SHF: variants seen among roughly 807,000 people sequenced by gnomAD.
The protein encoded by SHF is Src homology 2 domain containing F, also known as SH2 domain-containing adapter protein F.
A neutral mutation model predicts 42.4 loss-of-function variants in SHF; 30 were observed. That is an observed-to-expected ratio of 0.71 (90% CI 0.53 to 0.96). The LOEUF is 0.96. Ranked by LOEUF, SHF falls within the 40% of genes least tolerant of loss-of-function variation. The pLI is 0.00. For synonymous variants in SHF, 264 were observed against 269.9 expected (o/e 0.98, Z 0.21); for missense variants, 598 against 634.0 (o/e 0.94, Z 0.61).
At chr15:45,195,541 A>G (rs1898837971) in intron 2 of SHF, among the ~76,000 whole-genome samples, 1 of 152,090 alleles carries the variant, frequency 6.6e-6, no homozygotes, top group South Asian at 2.1e-4. Flanking sequence ...CTCTTCTCTC[A>G]GGCCACATTC....
intron 2 of SHF, among the ~76,000 whole-genome samples, chr15:45,196,216 A>G (rs549803771): frequency 4.6e-5 from 7 of 151,292 alleles, no homozygotes; most frequent in African/African-American, 1.2e-4. Context: ...TCCTGCCTCA[A>G]TCTCCCTACA....
At chr15:45,198,838 T>C in exon 2 of SHF, 5 of 1,613,934 alleles carry the variant, frequency 3.1e-6, no homozygotes, top group East Asian at 2.2e-5. Flanking sequence ...GCCAGTTGCT[T>C]TTCTTCTTCT....
At chr15:45,186,136 TAGCAGGGGACAAGA>T (rs1470176454) in intron 1 of SHF, among the ~76,000 whole-genome samples, 1 of 152,180 alleles carries the variant, frequency 6.6e-6, no homozygotes, top group African/African-American at 2.4e-5. Flanking sequence ...CATCACACAA[TAGCAGGGGACAAGA>T]AGCAGACGAG....
chr15:45,169,358 G>T (rs1444828292), intron 6 of SHF, among the ~76,000 whole-genome samples: 1 of 152,210 alleles, frequency 6.6e-6, no homozygotes. Flanking sequence ...GCCTCCCCAG[G>T]CATGGAGTCC....
chr15:45,191,353 A>G (rs762728312), upstream of SHF, among the ~76,000 whole-genome samples: 1 of 152,054 alleles, frequency 6.6e-6, no homozygotes, highest in Non-Finnish European at 1.5e-5. Context: ...TGGCTAATTT[A>G]TTGTATTTTA....
chr15:45,200,895 A>G (rs887199429), exon 1 of SHF: 1 of 456,124 alleles, frequency 2.2e-6, no homozygotes, highest in Admixed American at 2.4e-5. Flanking sequence ...GGGGCTTCAC[A>G]TCATTGCAGG....
chr15:45,189,192 C>CA (rs1166122506), upstream of SHF, among the ~76,000 whole-genome samples: 2,639 of 57,948 alleles, frequency 0.046, 39 homozygotes, highest in Non-Finnish European at 0.061. Context: ...GACTCCGTCT[C>CA]AAAAAAAAAA....
intron 2 of SHF, chr15:45,198,753 C>T (rs750357055): frequency 1.2e-6 from 2 of 1,600,542 alleles, no homozygotes; most frequent in Non-Finnish European, 1.7e-6. Context: ...GTTTGCGCGT[C>T]ATTAAATGGC....
chr15:45,199,939 G>T (rs1899012876), intron 1 of SHF: 1 of 108,614 alleles, frequency 9.2e-6, no homozygotes, highest in East Asian at 3.2e-4. Flanking sequence ...GGGTGACAGA[G>T]CGAGGCTCCA....
rs115767410 is a variant in SHF at position 45,179,444 on chromosome 15, T to C, written c.499-1138A>G. 3.5e-3 allele frequency among the ~76,000 whole-genome samples: 525 copies of C among 150,680 alleles called. 3 individuals carry two copies. Among genetic ancestry groups the C allele is most frequent in the African/African-American group, 0.012 (507 of 40,876 alleles). On this transcript the variant is annotated intron_variant, in intron 1 of 6. Coordinates refer to ENST00000690270, the MANE Select transcript of SHF (RefSeq NM_001394037.1). Reference sequence around the variant, plus strand: ...AGGGCAGGGACAGGAAAGGCTTCACTTTGGCCCTTCACTTCCTACGCTGCC... The same window carrying C: ...AGGGCAGGGACAGGAAAGGCTTCACCTTGGCCCTTCACTTCCTACGCTGCC...
intron 1 of SHF, chr15:45,200,394 C>T (rs537411942): frequency 7.5e-5 from 16 of 213,794 alleles, no homozygotes; most frequent in East Asian, 3.1e-4. Flanking sequence ...CTCCCCTTGC[C>T]GTGCCATTGT....
chr15:45,167,991 C>G lies in SHF; in HGVS notation c.1423G>C (p.Glu475Gln). Reference sequence around the variant, plus strand: ...ACAGGGTAGAGCAGGGACATGTGTTCGGCTCCCTTAATGGGTAGCTTGCGG... The same window carrying G: ...ACAGGGTAGAGCAGGGACATGTGTTGGGCTCCCTTAATGGGTAGCTTGCGG... ...ASRKLPIKGAEHMSLLYPVAI... is the reference protein window; with the variant it reads ...ASRKLPIKGAQHMSLLYPVAI... Residue 475 changes from glutamate (E) to glutamine (Q), a missense_variant, in exon 7 of 7, where the codon GAA (glutamate) becomes CAA (glutamine). Transcript: ENST00000690270. 1 of 1,612,994 alleles carries G rather than the reference C, an allele frequency of 6.2e-7. No homozygotes were observed. The highest frequency in any genetic ancestry group is 8.5e-7 in the Non-Finnish European group (1 of 1,179,368).
chr15:45,169,438 C>T (rs900364895), intron 6 of SHF, among the ~76,000 whole-genome samples: 7 of 152,122 alleles, frequency 4.6e-5, no homozygotes, highest in South Asian at 2.1e-4. Context: ...GCAGGGTGGC[C>T]GGGGCCATCT....
chr15:45,182,943 A>C (rs1014413887), intron 1 of SHF, among the ~76,000 whole-genome samples: 1 of 152,244 alleles, frequency 6.6e-6, no homozygotes, highest in Non-Finnish European at 1.5e-5. Flanking sequence ...TGTTCATAAA[A>C]CAGTTAAACA....
chr15:45,190,486 C>A (rs1898682694), upstream of SHF, among the ~76,000 whole-genome samples: 1 of 152,068 alleles, frequency 6.6e-6, no homozygotes, highest in East Asian at 1.9e-4. Flanking sequence ...GCGTGATAAT[C>A]ATTGTGTGAG....
intron 2 of SHF, among the ~76,000 whole-genome samples, chr15:45,194,570 T>C (rs1249817398): frequency 1.3e-5 from 2 of 152,096 alleles, no homozygotes; most frequent in South Asian, 2.1e-4. Flanking sequence ...CAGGGTGGTC[T>C]CAAACTCCTG....
rs764237848 is a variant in SHF at position 45,170,296 on chromosome 15, AAG to A, written c.1280+1585_1280+1586del. Reference sequence around the variant, plus strand: ...TTGAATTTATTTTCTGTCTATAAAAAAGAGATCTATCTTGCAGGGGAGTAGTT... The same window carrying A: ...TTGAATTTATTTTCTGTCTATAAAAAAGATCTATCTTGCAGGGGAGTAGTT... On this transcript the variant is annotated intron_variant, in intron 6 of 6. Transcript: ENST00000690270. 2.6e-6 allele frequency: 3 copies of A among 1,149,702 alleles called. No homozygotes were observed. In the East Asian group the frequency reaches 2.0e-4, roughly 75 times the overall value. 71.2% of individuals were successfully genotyped at this position (1,149,702 alleles called of 1,614,324 possible).
intron 2 of SHF, among the ~76,000 whole-genome samples, chr15:45,194,020 T>G (rs867821094): frequency 6.7e-6 from 1 of 149,546 alleles, no homozygotes; most frequent in Admixed American, 6.7e-5. Flanking sequence ...GAGGATTGCT[T>G]GAGCCTGGGA....
In SHF at chr15:45,172,260, C is replaced by A; in HGVS notation, c.1047G>T (p.Arg349=). ...TCCCTGCAGAGAGTCGGGGAGGTAG[C>A]CGCCCCTTCTCCTCCCGGCCAGGTG... ...CLSPGREEKG[R]LPPRLSAGNP... The change falls in exon 5 of 7, where the codon CGG becomes CGT. Residue 349 remains arginine, a synonymous_variant. Coordinates refer to ENST00000690270, the MANE Select transcript of SHF (RefSeq NM_001394037.1). The A allele has an allele frequency of 6.2e-7, 1 of 1,613,310 alleles. No homozygotes were observed. The highest frequency in any genetic ancestry group is 1.3e-5 in the African/African-American group (1 of 75,026).
Sources: gnomAD v4.1 joint callset for allele counts (sites outside exome capture counted in the v4.1 genomes callset) on GRCh38, gnomAD v4.1.1 for gene constraint, MANE v1.5 for transcripts, NCBI Gene and HGNC (gene_info 2026-07-23, HGNC 2026-07-21) for gene names.